The following SNX24 variants were observed in gnomAD, a reference collection of about 807,000 sequenced individuals.
SNX24 encodes sorting nexin-24.
Under a neutral mutation model 28.7 loss-of-function variants are expected in SNX24, and 22 were observed. The ratio of observed to expected loss-of-function variants is 0.77; its 90% CI spans 0.55 to 1.10. The LOEUF is 1.10. Ranked by LOEUF, SNX24 falls within the 50% of genes least tolerant of loss-of-function variation. SNX24 has a pLI of 0.00. For missense variants in SNX24, 221 were observed against 201.1 expected, an observed-to-expected ratio of 1.10 and a Z score of -0.60; for synonymous variants, 69 against 71.5, an observed-to-expected ratio of 0.96 and a Z score of 0.18.
At chr5:122,869,895 G>A (rs1755894853) in intron 1 of SNX24, among the ~76,000 whole-genome samples, 1 of 65,812 alleles carries the variant, frequency 1.5e-5, no homozygotes, top group Non-Finnish European at 2.5e-5. Context: ...TTAGTGCTAT[G>A]AGTTTTTTTT....
chr5:123,023,811 C>CA lies in SNX24; in HGVS notation n.384-5426dup, dbSNP rs546924735. On this transcript the variant is annotated intron_variant and non_coding_transcript_variant, in intron 5 of 5. Transcript: ENST00000502387. ...CAAATAATTGAAAGACAACACAACA[C>CA]ACACACACACACACACACACACACA... is the stretch of plus-strand genomic sequence containing the variant. 4.9e-4 allele frequency: 644 copies of CA among 1,313,888 alleles called. 2 individuals carry two copies. In the South Asian group the frequency reaches 9.5e-3, roughly 19 times the overall value. The allele number at this position is 1,313,888 out of a possible 1,614,324, so 81.4% of individuals were successfully genotyped here.
chr5:122,971,644 A>G (rs1287300989), intron 3 of SNX24, among the ~76,000 whole-genome samples: 1 of 152,232 alleles, frequency 6.6e-6, no homozygotes, highest in Non-Finnish European at 1.5e-5. Context: ...TAAGAAATCC[A>G]TTTATCTTAT....
intron 1 of SNX24, among the ~76,000 whole-genome samples, chr5:122,854,933 A>T (rs1178612883): frequency 6.6e-6 from 1 of 152,234 alleles, no homozygotes; most frequent in Non-Finnish European, 1.5e-5. Context: ...CTTAATTAAA[A>T]AGTATTTTAT....
chr5:123,007,630 A>G (rs1053021363), intron 6 of SNX24, 52 bp from the exon 7 acceptor site: 23 of 1,490,470 alleles, frequency 1.5e-5, no homozygotes, highest in Admixed American at 2.1e-5. Context: ...TTTGTTTCAC[A>G]TAAGAAAAGC....
intron 3 of SNX24, among the ~76,000 whole-genome samples, chr5:122,952,313 G>A (rs1759978925): frequency 6.6e-6 from 1 of 152,076 alleles, no homozygotes; most frequent in Non-Finnish European, 1.5e-5. Context: ...GTGACCAGAT[G>A]AATTTTTTAA....
At chr5:122,976,009 A>G (rs1042519191) in intron 3 of SNX24, among the ~76,000 whole-genome samples, 6 of 152,184 alleles carry the variant, frequency 3.9e-5, no homozygotes, top group African/African-American at 1.4e-4. Flanking sequence ...CAATATAATT[A>G]TTAACATTGC....
At chr5:122,935,269 G>T (rs1332744093) in intron 1 of SNX24, among the ~76,000 whole-genome samples, 1 of 152,100 alleles carries the variant, frequency 6.6e-6, no homozygotes, top group Non-Finnish European at 1.5e-5. Flanking sequence ...AGTTAAAGCT[G>T]TGCTTCTCTT....
chr5:122,896,389 A>G (rs747267528), intron 1 of SNX24, among the ~76,000 whole-genome samples: 1 of 152,204 alleles, frequency 6.6e-6, no homozygotes, highest in Non-Finnish European at 1.5e-5. Context: ...TTTTGCCAAC[A>G]GACAGGATTT....
chr5:122,961,271 AAGTGATTTGCCATGGC>A lies in SNX24; in HGVS notation c.249+15116_249+15131del, dbSNP rs1355499390. On this transcript the variant is annotated intron_variant, in intron 3 of 6. Coordinates refer to ENST00000261369, the MANE Select transcript of SNX24 (RefSeq NM_014035.4). ...GGGTTCTTAGAAGTTTTAGATTAAG[AAGTGATTTGCCATGGC>A]AGTCTTGGTTCTTACCAAGGATTTC... Among the ~76,000 whole-genome samples, 9 of 152,324 alleles carry A rather than the reference AAGTGATTTGCCATGGC, an allele frequency of 5.9e-5. No individual in the cohort carries two copies. In the South Asian group the frequency reaches 1.4e-3, roughly 25 times the overall value.
intron 1 of SNX24, among the ~76,000 whole-genome samples, chr5:122,880,422 C>T (rs1184682522): frequency 1.3e-5 from 2 of 152,114 alleles, no homozygotes; most frequent in Non-Finnish European, 2.9e-5. Flanking sequence ...GCCCACATGC[C>T]CTTTATCTGT....
downstream of SNX24, among the ~76,000 whole-genome samples, chr5:123,014,118 A>C (rs1762639487): frequency 6.6e-6 from 1 of 152,142 alleles, no homozygotes; most frequent in African/African-American, 2.4e-5. Flanking sequence ...GATACCAGTT[A>C]ATAAAGCTTG....
chr5:122,970,916 C>A (rs1481191806), intron 3 of SNX24, among the ~76,000 whole-genome samples: 1 of 152,180 alleles, frequency 6.6e-6, no homozygotes, highest in Non-Finnish European at 1.5e-5. Context: ...TTCCAGTACA[C>A]CCTTGTGTTA....
At chr5:122,960,161 C>A (rs531240098) in intron 3 of SNX24, among the ~76,000 whole-genome samples, 38 of 152,234 alleles carry the variant, frequency 2.5e-4, no homozygotes, top group African/African-American at 8.2e-4. Context: ...ATTGTTGAGT[C>A]AGTAGCTGTT....
chr5:122,890,095 T>C (rs926340585), intron 1 of SNX24, among the ~76,000 whole-genome samples: 2 of 152,122 alleles, frequency 1.3e-5, no homozygotes, highest in African/African-American at 4.8e-5. Context: ...TCAATTTGGC[T>C]TCGTCTGATG....
At chr5:123,019,262 A>G (rs1762729823) in intron 5 of SNX24, among the ~76,000 whole-genome samples, 1 of 151,982 alleles carries the variant, frequency 6.6e-6, no homozygotes, top group South Asian at 2.1e-4. Context: ...TCCATTACAA[A>G]TACTGTTTTT....
At chr5:122,989,413 G>A (rs1025270162) in intron 3 of SNX24, among the ~76,000 whole-genome samples, 6 of 150,378 alleles carry the variant, frequency 4.0e-5, no homozygotes, top group African/African-American at 1.5e-4. Context: ...AAAGATGGGG[G>A]CCACTGCAGC....
intron 1 of SNX24, among the ~76,000 whole-genome samples, chr5:122,926,083 G>A (rs561233476): frequency 6.6e-6 from 1 of 152,310 alleles, no homozygotes; most frequent in African/African-American, 2.4e-5. Context: ...AGCCAGGTCT[G>A]GGGATAGAGA....
intron 2 of SNX24, among the ~76,000 whole-genome samples, chr5:122,944,506 C>T (rs1405222923): frequency 6.6e-6 from 1 of 152,126 alleles, no homozygotes; most frequent in African/African-American, 2.4e-5. Flanking sequence ...ATCCCTTATT[C>T]ATGTGGGATT....
intron 2 of SNX24, among the ~76,000 whole-genome samples, chr5:122,940,667 G>A (rs371099131): frequency 6.6e-6 from 1 of 152,222 alleles, no homozygotes; most frequent in African/African-American, 2.4e-5. Flanking sequence ...CGTCTCCCAG[G>A]TTCAAACGAT....
Sources: gnomAD v4.1 joint callset for allele counts (sites outside exome capture counted in the v4.1 genomes callset) on GRCh38, gnomAD v4.1.1 for gene constraint, MANE v1.5 for transcripts, NCBI Gene and HGNC (gene_info 2026-07-23, HGNC 2026-07-21) for gene names.